The following RRP1 variants were observed in gnomAD, a reference collection of about 807,000 sequenced individuals.
RRP1 encodes the protein ribosomal RNA processing protein 1 homolog A.
A neutral mutation model predicts 54.6 loss-of-function variants in RRP1; 37 were observed. That is an observed-to-expected ratio of 0.68 (90% CI 0.52 to 0.89). The LOEUF is 0.89. Ranked by LOEUF, RRP1 falls within the 40% of genes least tolerant of loss-of-function variation. The pLI, the probability that RRP1 is intolerant of heterozygous loss-of-function variation, is 0.00. For missense variants in RRP1, 639 were observed against 612.5 expected, an observed-to-expected ratio of 1.04 and a Z score of -0.46; for synonymous variants, 262 against 244.3, an observed-to-expected ratio of 1.07 and a Z score of -0.67.
At chr21:43,798,171 G>C in intron 8 of RRP1, 71 bp downstream of exon 8, 1 of 1,371,126 alleles carries the variant, frequency 7.3e-7, no homozygotes. Flanking sequence ...TCTCCTGCTG[G>C]GTTGCTCCTG....
chr21:43,803,231 T>G (rs551549000), intron 12 of RRP1, among the ~76,000 whole-genome samples: 91 of 152,348 alleles, frequency 6.0e-4, no homozygotes, highest in African/African-American at 2.1e-3. Context: ...CCACCTCCCC[T>G]TCTGCCTTGA....
chr21:43,789,800 G>C (rs2084937943), intron 1 of RRP1, 38 bp downstream of exon 1: 2 of 1,479,048 alleles, frequency 1.4e-6, no homozygotes, highest in South Asian at 1.3e-5. Flanking sequence ...CTCGGGGGCC[G>C]GCTGGGCTGG....
At position 43,792,716 on chromosome 21, in the gene RRP1, G is replaced by T. The variant is rs763243729; in HGVS notation, c.261G>T (p.Gln87His). 7 of 1,614,128 alleles carry T rather than the reference G, an allele frequency of 4.3e-6. No individual in the cohort carries two copies. In the South Asian group the frequency reaches 7.7e-5, roughly 18 times the overall value. Reference protein sequence around the residue: ...RTISQLVHAFQTTEAQHLFLQ... With the variant: ...RTISQLVHAFHTTEAQHLFLQ... ...TTTCCCAGCTCGTTCATGCTTTTCA[G>T]ACCACGGAGGCGCGTGAGTATGCTC... The change falls in exon 3 of 13, where the codon CAG becomes CAT. Residue 87 changes from glutamine (Q) to histidine (H), a missense_variant. Coordinates refer to ENST00000497547, the MANE Select transcript of RRP1 (RefSeq NM_003683.6).
Position 43,797,647 on chromosome 21 carries a change from A to C in RRP1, c.569A>C (p.Asn190Thr), listed in dbSNP as rs747008262. Residue 190 changes from asparagine to threonine, a missense_variant, in exon 7 of 13, where the codon AAC becomes ACC. Transcript: ENST00000497547. ...TCCCCGTAGCTTACGGCAGACCAGA[A>C]CCTGAAGTTCATCGACCCCTTCTGC... Reference protein sequence around the residue: ...VGAEELTADQNLKFIDPFCRI... With the variant: ...VGAEELTADQTLKFIDPFCRI... 4.3e-6 allele frequency: 7 copies of C among 1,614,050 alleles called. No individual in the cohort carries two copies. Among genetic ancestry groups the C allele is most frequent in the African/African-American group, 1.3e-5 (1 of 74,918 alleles).
Position 43,803,848 on chromosome 21 carries a change from G to C in RRP1, c.*74G>C. On this transcript the variant is annotated 3_prime_UTR_variant, in exon 13 of 13. Coordinates refer to ENST00000497547, the MANE Select transcript of RRP1 (RefSeq NM_003683.6). ...ACCGCGGGACGAGGCTGACCGGGCTGTTCTGTAGACTCAGGACCGTGGCTC... is the reference window on the plus strand; with the variant it reads ...ACCGCGGGACGAGGCTGACCGGGCTCTTCTGTAGACTCAGGACCGTGGCTC... 3 of 1,463,300 alleles carry C rather than the reference G, an allele frequency of 2.1e-6. No individual in the cohort carries two copies. Among genetic ancestry groups the C allele is most frequent in the South Asian group, 1.4e-5 (1 of 70,056 alleles). The allele number at this position is 1,463,300 out of a possible 1,614,324, so 90.6% of individuals were successfully genotyped here.
chr21:43,792,501 G>T (rs894809844), intron 2 of RRP1, among the ~76,000 whole-genome samples, 171 bp from the exon 3 acceptor site: 1 of 152,186 alleles, frequency 6.6e-6, no homozygotes, highest in Non-Finnish European at 1.5e-5. Context: ...GGCTGTAGAG[G>T]GGTCTTTTGG....
At chr21:43,790,887 G>A in intron 1 of RRP1, 1 of 430,548 alleles carries the variant, frequency 2.3e-6, no homozygotes, top group Non-Finnish European at 4.7e-6. Flanking sequence ...CACCGCACCT[G>A]GCCTCAGTAA....
In RRP1 at chr21:43,797,560, G is replaced by T; in HGVS notation, c.552+9G>T. 1 of 1,614,004 alleles carries T rather than the reference G, an allele frequency of 6.2e-7. No individual in the cohort carries two copies. Among genetic ancestry groups the T allele is most frequent in the Non-Finnish European group, 8.5e-7 (1 of 1,179,888 alleles). On this transcript the variant is annotated intron_variant, in intron 6 of 12. Coordinates refer to ENST00000497547, the MANE Select transcript of RRP1 (RefSeq NM_003683.6). ...AAGTGGGCGCCGAGGAGGTGAGGCT[G>T]GGCTCCGACGGGGCGGTGGAGCTGG...
intron 12 of RRP1, 95 bp from the exon 13 acceptor site, chr21:43,803,417 G>C: frequency 6.9e-7 from 1 of 1,447,222 alleles, no homozygotes; most frequent in Non-Finnish European, 9.2e-7. Flanking sequence ...TGTCCTCCCA[G>C]GTCTGTGGTG....
chr21:43,802,294 A>G lies in RRP1; in HGVS notation c.1030A>G (p.Ile344Val). 3 of 1,613,554 alleles carry G rather than the reference A, an allele frequency of 1.9e-6. No individual in the cohort carries two copies. In the South Asian group the frequency reaches 3.3e-5, roughly 18 times the overall value. The change falls in exon 12 of 13, where the codon ATC becomes GTC. Residue 344 changes from isoleucine to valine, a missense_variant. Physicochemically the swap from Ile to Val is conservative, Grantham distance 29. Transcript: ENST00000497547. Reference protein sequence around the residue: ...LAGGIFPEDEIPEKACRRLLE... With the variant: ...LAGGIFPEDEVPEKACRRLLE... ...CTCAGGCATTTTCCCTGAAGATGAG[A>G]TCCCAGAGAAGGCCTGCAGGCGCCT...
At chr21:43,803,118 T>C (rs1351818429) in intron 12 of RRP1, among the ~76,000 whole-genome samples, 1 of 152,250 alleles carries the variant, frequency 6.6e-6, no homozygotes, top group African/African-American at 2.4e-5. Context: ...GTCCATCTCA[T>C]TTCCCATGAG....
intron 12 of RRP1, 65 bp downstream of exon 12, chr21:43,802,452 G>A: frequency 7.7e-7 from 1 of 1,305,630 alleles, no homozygotes; most frequent in Non-Finnish European, 1.1e-6. Context: ...TCCCCTGGAT[G>A]GGGGTCACCT....
At position 43,789,753 on chromosome 21, in the gene RRP1, C is replaced by T. The variant is rs1342042843; in HGVS notation, c.124C>T (p.Arg42Trp). 3 of 1,518,446 alleles carry T rather than the reference C, an allele frequency of 2.0e-6. No homozygotes were observed. Among genetic ancestry groups the T allele is most frequent in the Non-Finnish European group, 1.8e-6 (2 of 1,131,804 alleles). 94.1% of individuals were successfully genotyped at this position (1,518,446 alleles called of 1,614,324 possible). Residue 42 changes from arginine (R) to tryptophan (W), a missense_variant, in exon 1 of 13, where the codon CGG (arginine) becomes TGG (tryptophan). Transcript: ENST00000497547. ...LRKYIVARTQ[R>W]AAGGFTHDEL... ...GAAATACATCGTCGCCAGGACTCAGCGGGCCGCAGGTTGGCGGGGGTGTGG... is the reference window on the plus strand; with the variant it reads ...GAAATACATCGTCGCCAGGACTCAGTGGGCCGCAGGTTGGCGGGGGTGTGG...
intron 2 of RRP1, among the ~76,000 whole-genome samples, chr21:43,792,097 A>G (rs574151174): frequency 6.6e-6 from 1 of 152,310 alleles, no homozygotes; most frequent in South Asian, 2.1e-4. Flanking sequence ...ATTGTTTCTC[A>G]AATTGTGAAT....
At chr21:43,791,494 G>C in intron 2 of RRP1, 62 bp downstream of exon 2, 1 of 1,470,396 alleles carries the variant, frequency 6.8e-7, no homozygotes, top group Non-Finnish European at 9.5e-7. Context: ...TGGGCATCTG[G>C]TCAACCCAGT....
At chr21:43,802,920 A>G (rs1449604001) in intron 12 of RRP1, among the ~76,000 whole-genome samples, 1 of 152,232 alleles carries the variant, frequency 6.6e-6, no homozygotes, top group East Asian at 1.9e-4. Context: ...GCCTACCTGC[A>G]GTGGAGGGGG....
chr21:43,803,783 G>A lies in RRP1; in HGVS notation c.*9G>A. On this transcript the variant is annotated 3_prime_UTR_variant, in exon 13 of 13. Transcript: ENST00000497547. ...AGAAACGCAGGGAGTGATGTGGCCG[G>A]GCCAAGGACAGGCAGGGAGGGAGGC... The A allele has an allele frequency of 1.3e-6, 2 of 1,566,932 alleles. No individual in the cohort carries two copies. The highest frequency in any genetic ancestry group is 1.3e-5 in the African/African-American group (1 of 74,278).
chr21:43,791,298 G>A (rs1030105035), intron 1 of RRP1, 52 bp from the exon 2 acceptor site: 10 of 1,582,322 alleles, frequency 6.3e-6, no homozygotes, highest in Non-Finnish European at 8.7e-6. Flanking sequence ...TTCCTTTCTG[G>A]CACTCGAAGG....
In RRP1 at chr21:43,789,681, G is replaced by T; in HGVS notation, c.52G>T (p.Ala18Ser). Residue 18 changes from alanine (A) to serine (S), a missense_variant, in exon 1 of 13, where the codon GCG becomes TCG. Physicochemically the swap from Ala to Ser is moderately conservative, Grantham distance 99 (BLOSUM62 1). Coordinates refer to ENST00000497547, the MANE Select transcript of RRP1 (RefSeq NM_003683.6). ...TGAGATCCAGCTGGCTCAGCGCCTG[G>T]CGGGGAATGAGCAGGTGACCCGGGA... The part of the protein sequence containing the change: ...PPEIQLAQRL[A>S]GNEQVTRDRA... 1.9e-6 allele frequency: 3 copies of T among 1,571,396 alleles called. No individual in the cohort carries two copies. Among genetic ancestry groups the T allele is most frequent in the African/African-American group, 1.4e-5 (1 of 72,938 alleles).
Sources: allele counts gnomAD v4.1 joint callset (sites outside exome capture counted in the v4.1 genomes callset), GRCh38; gene constraint gnomAD v4.1.1; transcripts MANE v1.5; gene names NCBI Gene and HGNC (gene_info 2026-07-23, HGNC 2026-07-21).